TBC1D5: variants seen among roughly 807,000 people sequenced by gnomAD.
TBC1D5 encodes TBC1 domain family member 5.
TBC1D5 carries 75 observed loss-of-function variants against 100.3 expected under a neutral mutation model. The ratio of observed to expected loss-of-function variants is 0.75; its 90% CI spans 0.62 to 0.91. The LOEUF is 0.91. Ranked by LOEUF, TBC1D5 falls within the 40% of genes least tolerant of loss-of-function variation. The probability of loss-of-function intolerance (pLI) is 0.00; values close to 1 mark genes in which losing one functional copy is unlikely to be tolerated. For synonymous variants in TBC1D5, 323 were observed against 325.6 expected (o/e 0.99, Z 0.09); for missense variants, 910 against 942.4 (o/e 0.97, Z 0.45).
At chr3:17,499,244 G>A (rs944188234) in intron 3 of TBC1D5, among the ~76,000 whole-genome samples, 2 of 152,036 alleles carry the variant, frequency 1.3e-5, no homozygotes, top group Non-Finnish European at 2.9e-5. Flanking sequence ...GGGAGGTGGA[G>A]GATTATACTT....
intron 15 of TBC1D5, among the ~76,000 whole-genome samples, chr3:17,279,592 A>G (rs932796201): frequency 1.3e-5 from 2 of 152,204 alleles, no homozygotes; most frequent in Non-Finnish European, 2.9e-5. Flanking sequence ...TTATCTTTGT[A>G]TAGTCACTGT....
chr3:17,592,448 A>C (rs1238131568), intron 2 of TBC1D5, among the ~76,000 whole-genome samples: 1 of 152,172 alleles, frequency 6.6e-6, no homozygotes, highest in Non-Finnish European at 1.5e-5. Flanking sequence ...GGGCCTGTGG[A>C]GATCCAAAGG....
chr3:17,446,545 T>C (rs2094799467), intron 3 of TBC1D5, among the ~76,000 whole-genome samples: 1 of 151,906 alleles, frequency 6.6e-6, no homozygotes, highest in Non-Finnish European at 1.5e-5. Flanking sequence ...TTTTAAAATC[T>C]AAGAGGAAAT....
intron 14 of TBC1D5, among the ~76,000 whole-genome samples, chr3:17,294,927 T>C (rs283907): frequency 0.42 from 63,837 of 152,068 alleles, 14,106 homozygotes; most frequent in Middle Eastern, 0.5. Context: ...AGTAAGGATC[T>C]GACACAATAA....
chr3:17,325,452 A>G (rs572213083), intron 13 of TBC1D5, among the ~76,000 whole-genome samples: 1 of 151,652 alleles, frequency 6.6e-6, no homozygotes, highest in South Asian at 2.1e-4. Flanking sequence ...CCTGCCGAGT[A>G]GCTGGGATTT....
chr3:17,568,530 A>G (rs1226112444), intron 2 of TBC1D5, among the ~76,000 whole-genome samples: 1 of 151,536 alleles, frequency 6.6e-6, no homozygotes, highest in African/African-American at 2.4e-5. Flanking sequence ...TTCAAAGTCA[A>G]TGACAAATAT....
At chr3:17,588,094 A>C (rs1342623076) in intron 2 of TBC1D5, among the ~76,000 whole-genome samples, 1 of 152,080 alleles carries the variant, frequency 6.6e-6, no homozygotes, top group Admixed American at 6.5e-5. Context: ...AGTAGTTGTA[A>C]TGTGTTTTAT....
intron 4 of TBC1D5, among the ~76,000 whole-genome samples, chr3:17,421,051 T>C (rs953240069): frequency 6.6e-6 from 1 of 152,204 alleles, no homozygotes. Context: ...ATTAGGGCTG[T>C]GAATGCAAAC....
chr3:17,504,154 T>C (rs1308442648), intron 3 of TBC1D5, among the ~76,000 whole-genome samples: 2 of 514 alleles, frequency 3.9e-3, no homozygotes, highest in Non-Finnish European at 3.9e-3. Flanking sequence ...GAAAGAGGCA[T>C]TAAGCAATTA....
chr3:17,344,224 G>T (rs541457689), intron 13 of TBC1D5, among the ~76,000 whole-genome samples: 1 of 151,906 alleles, frequency 6.6e-6, no homozygotes, highest in African/African-American at 2.4e-5. Context: ...AAAGTCTCAG[G>T]ATACAAAATC....
chr3:17,434,115 A>G (rs1389542257), intron 3 of TBC1D5, among the ~76,000 whole-genome samples: 1 of 152,180 alleles, frequency 6.6e-6, no homozygotes, highest in Non-Finnish European at 1.5e-5. Flanking sequence ...CAGCTTTACC[A>G]GGTGCACAAT....
intron 2 of TBC1D5, among the ~76,000 whole-genome samples, chr3:17,608,293 C>T (rs1472916909): frequency 6.6e-6 from 1 of 151,994 alleles, no homozygotes; most frequent in Non-Finnish European, 1.5e-5. Flanking sequence ...CACAGATGCC[C>T]ATTATCATCA....
chr3:17,741,559 G>C (rs1054061114), upstream of TBC1D5, among the ~76,000 whole-genome samples: 1 of 152,196 alleles, frequency 6.6e-6, no homozygotes, highest in African/African-American at 2.4e-5. Context: ...AAACCTGCAT[G>C]TTAAAATCTT....
chr3:17,620,726 C>T (rs1344773670), intron 2 of TBC1D5, among the ~76,000 whole-genome samples: 2 of 151,934 alleles, frequency 1.3e-5, no homozygotes, highest in Non-Finnish European at 2.9e-5. Context: ...CCTTTTTGTA[C>T]AGTTTTACTT....
chr3:17,329,972 A>G (rs944538719), intron 13 of TBC1D5, among the ~76,000 whole-genome samples: 2 of 152,160 alleles, frequency 1.3e-5, no homozygotes, highest in Non-Finnish European at 2.9e-5. Flanking sequence ...TTTCCACTAC[A>G]TATTGCTGCT....
intron 3 of TBC1D5, among the ~76,000 whole-genome samples, chr3:17,451,308 G>C (rs982673831): frequency 6.6e-6 from 1 of 152,142 alleles, no homozygotes; most frequent in African/African-American, 2.4e-5. Flanking sequence ...ACACTATGAA[G>C]AAACTGCATC....
At chr3:17,495,660 A>C (rs1292790499) in intron 3 of TBC1D5, among the ~76,000 whole-genome samples, 1 of 152,250 alleles carries the variant, frequency 6.6e-6, no homozygotes, top group East Asian at 1.9e-4. Flanking sequence ...CAGGAGTGGA[A>C]AAGCTTGCTC....
At chr3:17,363,949 A>G (rs898453942) in intron 13 of TBC1D5, among the ~76,000 whole-genome samples, 7 of 150,500 alleles carry the variant, frequency 4.7e-5, no homozygotes, top group Non-Finnish European at 1.5e-5. Flanking sequence ...ATTTACATTG[A>G]ATTTTATTGG....
intron 3 of TBC1D5, among the ~76,000 whole-genome samples, chr3:17,445,768 C>CA (rs2094776549): frequency 6.6e-6 from 1 of 152,058 alleles, no homozygotes; most frequent in Non-Finnish European, 1.5e-5. Context: ...GTACGTATAG[C>CA]AAAAAACACA....
Sources: allele counts gnomAD v4.1 joint callset (sites outside exome capture counted in the v4.1 genomes callset), GRCh38; gene constraint gnomAD v4.1.1; transcripts MANE v1.5; gene names NCBI Gene and HGNC (gene_info 2026-07-23, HGNC 2026-07-21).